The following CYP2C18 variants were observed in gnomAD, a reference collection of about 807,000 sequenced individuals.
The protein encoded by CYP2C18 is cytochrome P450 family 2 subfamily C member 18.
Under a neutral mutation model 41.3 loss-of-function variants are expected in CYP2C18, and 38 were observed. That is an observed-to-expected ratio of 0.92 (90% CI 0.71 to 1.21). The LOEUF (loss-of-function observed/expected upper bound fraction) is 1.21, where lower values mean the gene tolerates loss of function less well. Among genes scored for constraint, CYP2C18 ranks in the 50% most tolerant of loss-of-function variants. The pLI, the probability that CYP2C18 is intolerant of heterozygous loss-of-function variation, is 0.00. For synonymous variants in CYP2C18, 236 were observed against 210.0 expected, an observed-to-expected ratio of 1.12 and a Z score of -1.07; for missense variants, 635 against 591.4, an observed-to-expected ratio of 1.07 and a Z score of -0.77.
intron 7 of CYP2C18, among the ~76,000 whole-genome samples, chr10:94,728,852 T>A (rs1380664197): frequency 6.6e-6 from 1 of 152,128 alleles, no homozygotes; most frequent in Non-Finnish European, 1.5e-5. Context: ...AATTACCCAA[T>A]GTAGTTTGCA....
At chr10:94,695,170 TC>T (rs2134180660) in intron 4 of CYP2C18, 93 bp downstream of exon 4, 1 of 1,182,676 alleles carries the variant, frequency 8.5e-7, no homozygotes, top group African/African-American at 1.6e-5. Flanking sequence ...TACTTTAAGT[TC>T]TGGGATATGT....
chr10:94,684,847 GTTATCTTT>G (rs1173661669), intron 1 of CYP2C18, among the ~76,000 whole-genome samples: 1 of 151,766 alleles, frequency 6.6e-6, no homozygotes, highest in East Asian at 1.9e-4. Context: ...GTCAACACTT[GTTATCTTT>G]TTATCTTTTT....
At chr10:94,727,311 A>G (rs1847757100) in intron 7 of CYP2C18, among the ~76,000 whole-genome samples, 5 of 152,178 alleles carry the variant, frequency 3.3e-5, no homozygotes, top group Non-Finnish European at 7.4e-5. Flanking sequence ...TTGTATAAAT[A>G]TTAATGTTTT....
chr10:94,714,283 T>G (rs1353050945), intron 5 of CYP2C18, among the ~76,000 whole-genome samples: 2 of 152,180 alleles, frequency 1.3e-5, no homozygotes, highest in African/African-American at 4.8e-5. Flanking sequence ...ATTGCCTAGG[T>G]TTTCTTCTAG....
At chr10:94,692,693 A>G (rs1847027959) in intron 3 of CYP2C18, among the ~76,000 whole-genome samples, 1 of 152,208 alleles carries the variant, frequency 6.6e-6, no homozygotes, top group African/African-American at 2.4e-5. Flanking sequence ...AGGATTATAA[A>G]TTATGCTGCT....
chr10:94,688,976 G>C (rs959696081), intron 3 of CYP2C18, among the ~76,000 whole-genome samples: 1 of 152,246 alleles, frequency 6.6e-6, no homozygotes, highest in South Asian at 2.1e-4. Flanking sequence ...TCACTAACAT[G>C]TCTGGGGGTT....
At chr10:94,713,843 T>C (rs538915323) in intron 5 of CYP2C18, among the ~76,000 whole-genome samples, 93 of 152,222 alleles carry the variant, frequency 6.1e-4, no homozygotes, top group African/African-American at 1.4e-3. Flanking sequence ...CTCCAGCACC[T>C]GTTTCCTGAC....
Position 94,688,211 on chromosome 10 carries a change from A to C in CYP2C18, c.418A>C (p.Ser140Arg). The change falls in exon 3 of 9, where the codon AGC (serine) becomes CGC (arginine). Residue 140 changes from serine to arginine, a missense_variant. By Grantham distance (110) the Ser-to-Arg change is moderately radical (BLOSUM62 -1). Transcript: ENST00000285979. ...GCGGAATTTTGGGATGGGGAAGAGG[A>C]GCATCGAGGACCGTGTTCAAGAGGA... ...TLRNFGMGKR[S>R]IEDRVQEEAR... 1 of 1,613,694 alleles carries C rather than the reference A, an allele frequency of 6.2e-7. No individual in the cohort carries two copies. Among genetic ancestry groups the C allele is most frequent in the East Asian group, 2.2e-5 (1 of 44,864 alleles).
chr10:94,720,551 A>AT lies in CYP2C18; in HGVS notation c.961+15dup. The AT allele has an allele frequency of 6.2e-7, 1 of 1,608,158 alleles. No homozygotes were observed. Among genetic ancestry groups the AT allele is most frequent in the Non-Finnish European group, 8.5e-7 (1 of 1,177,584 alleles). ...CAGAGGTCACAGGTATGATGATACC[A>AT]TAGGTGAGCAGGGTGATTTTCAGAA... On this transcript the variant is annotated intron_variant, in intron 6 of 8. Transcript: ENST00000285979.
chr10:94,701,062 G>T (rs7923806), intron 4 of CYP2C18, among the ~76,000 whole-genome samples: 3,851 of 152,290 alleles, frequency 0.025, 149 homozygotes, highest in African/African-American at 0.075. Context: ...TCAGTGTGAT[G>T]ATTCCTCAGT....
At chr10:94,724,666 C>A in intron 7 of CYP2C18, 133 bp downstream of exon 7, 2 of 836,790 alleles carry the variant, frequency 2.4e-6, no homozygotes, top group South Asian at 1.7e-5. Flanking sequence ...CTGGACTCTG[C>A]TGTTTCCATT....
At chr10:94,706,075 T>G (rs1847337911) in intron 4 of CYP2C18, among the ~76,000 whole-genome samples, 1 of 152,152 alleles carries the variant, frequency 6.6e-6, no homozygotes, top group African/African-American at 2.4e-5. Flanking sequence ...ACCAGGAAGT[T>G]CTGAATAGGA....
Position 94,687,920 on chromosome 10 carries a change from A to G in CYP2C18, c.319A>G (p.Asn107Asp), listed in dbSNP as rs1846921260. The G allele has an allele frequency of 1.9e-6, 3 of 1,613,696 alleles. No homozygotes were observed. The highest frequency in any genetic ancestry group is 2.5e-6 in the Non-Finnish European group (3 of 1,179,718). Residue 107 changes from asparagine (N) to aspartate (D), a missense_variant, in exon 2 of 9, where the codon AAC becomes GAC. Asn to Asp is a conservative substitution (Grantham distance 23, BLOSUM62 1). Transcript: ENST00000285979. The stretch of plus-strand genomic sequence containing the variant: ...AAGTTTTCCAGTGGCTGAAAAAGTT[A>G]ACAAAGGACTTGGTAAATGTGCATG... The part of the protein sequence containing the change: ...RGSFPVAEKV[N>D]KGLGILFSNG...
At chr10:94,717,453 C>G (rs1847571956) in intron 5 of CYP2C18, among the ~76,000 whole-genome samples, 1 of 152,108 alleles carries the variant, frequency 6.6e-6, no homozygotes, top group African/African-American at 2.4e-5. Flanking sequence ...TTTAGTTTGG[C>G]TGGATATGAA....
intron 5 of CYP2C18, among the ~76,000 whole-genome samples, chr10:94,714,574 A>G (rs897612673): frequency 6.6e-6 from 1 of 152,186 alleles, no homozygotes; most frequent in Non-Finnish European, 1.5e-5. Flanking sequence ...TGTTTTGGTT[A>G]CTGTAGCCTT....
At chr10:94,721,309 C>G (rs1847641216) in intron 6 of CYP2C18, among the ~76,000 whole-genome samples, 1 of 152,132 alleles carries the variant, frequency 6.6e-6, no homozygotes, top group Non-Finnish European at 1.5e-5. Context: ...GCCACTGTGC[C>G]CAGCCAGGTA....
intron 5 of CYP2C18, 148 bp downstream of exon 5, chr10:94,707,108 A>G: frequency 4.2e-6 from 2 of 481,248 alleles, no homozygotes; most frequent in East Asian, 3.6e-5. Context: ...GAGAATTTAT[A>G]ATTGAATTGT....
At chr10:94,695,455 C>T (rs76736308) in intron 4 of CYP2C18, among the ~76,000 whole-genome samples, 3,287 of 152,168 alleles carry the variant, frequency 0.022, 117 homozygotes, top group African/African-American at 0.074. Context: ...ATCCATGTCC[C>T]GGCCAAGGAC....
intron 4 of CYP2C18, among the ~76,000 whole-genome samples, chr10:94,697,441 G>C (rs1393393106): frequency 6.6e-6 from 1 of 152,174 alleles, no homozygotes; most frequent in Non-Finnish European, 1.5e-5. Context: ...GAGAGATTTT[G>C]TCACCACCAC....
Sources: gnomAD v4.1 joint callset for allele counts (sites outside exome capture counted in the v4.1 genomes callset) on GRCh38, gnomAD v4.1.1 for gene constraint, MANE v1.5 for transcripts, NCBI Gene and HGNC (gene_info 2026-07-23, HGNC 2026-07-21) for gene names.